FAR2: variants seen among roughly 807,000 people sequenced by gnomAD.
FAR2 encodes the protein fatty acyl-CoA reductase 2, also known as epididymis secretory protein Li 81.
Under a neutral mutation model 56.0 loss-of-function variants are expected in FAR2, and 19 were observed. The observed-to-expected ratio is 0.34, with a 90% CI of 0.24 to 0.50. The LOEUF (loss-of-function observed/expected upper bound fraction) is 0.50, where lower values mean the gene tolerates loss of function less well. FAR2 is among the 20% of genes least tolerant of loss of function. FAR2 has a pLI of 0.98. For synonymous variants in FAR2, 219 were observed against 218.8 expected, an observed-to-expected ratio of 1.00 and a Z score of -0.01; for missense variants, 508 against 642.2, an observed-to-expected ratio of 0.79 and a Z score of 2.26.
chr12:29,311,960 T>G lies in FAR2; in HGVS notation c.955+10T>G. On this transcript the variant is annotated intron_variant, in intron 8 of 11. Transcript: ENST00000536681. ...AATTGGCACAAAATGGGTAAGTACTTTAGCTATGTAACTCTATAATTACTA... is the reference window on the plus strand; with the variant it reads ...AATTGGCACAAAATGGGTAAGTACTGTAGCTATGTAACTCTATAATTACTA... The G allele has an allele frequency of 6.3e-7, 1 of 1,596,650 alleles. No homozygotes were observed. Among genetic ancestry groups the G allele is most frequent in the Non-Finnish European group, 8.6e-7 (1 of 1,166,076 alleles).
chr12:29,307,037 G>C (rs1949262611), intron 4 of FAR2, among the ~76,000 whole-genome samples: 2 of 152,088 alleles, frequency 1.3e-5, no homozygotes, highest in Admixed American at 6.6e-5. Context: ...AAAGCTAAAG[G>C]CTTCAGGATT....
chr12:29,331,993 C>G (rs1478694153), intron 10 of FAR2: 1 of 152,200 alleles, frequency 6.6e-6, no homozygotes, highest in African/African-American at 2.4e-5. Flanking sequence ...CACAACTTCT[C>G]TCCCTAAACA....
At chr12:29,287,350 T>G (rs1036367796) in intron 2 of FAR2, among the ~76,000 whole-genome samples, 3 of 152,242 alleles carry the variant, frequency 2.0e-5, no homozygotes, top group Admixed American at 6.5e-5. Context: ...CCTTTACATC[T>G]TATGAGAGTT....
At chr12:29,195,771 A>C (rs1950138769) in intron 1 of FAR2, among the ~76,000 whole-genome samples, 1 of 152,152 alleles carries the variant, frequency 6.6e-6, no homozygotes, top group Non-Finnish European at 1.5e-5. Flanking sequence ...GATATATTGC[A>C]TAGCAGTGAG....
intron 1 of FAR2, among the ~76,000 whole-genome samples, chr12:29,248,780 G>A (rs1274391805): frequency 2.0e-5 from 3 of 152,178 alleles, no homozygotes; most frequent in Non-Finnish European, 4.4e-5. Flanking sequence ...AGCGGGGCCA[G>A]TTTAGAGACC....
In FAR2 at chr12:29,297,278, A is replaced by G. The variant is rs1949087769; in HGVS notation, c.545+78A>G. ...TCTCTTTGATTCTTTGTAGCTATTA[A>G]TGAGATGATGAAGTCAAACACTTTT... On this transcript the variant is annotated intron_variant, in intron 4 of 11. Coordinates refer to ENST00000536681, the MANE Select transcript of FAR2 (RefSeq NM_001271783.2). 2.9e-6 allele frequency: 4 copies of G among 1,360,048 alleles called. No individual in the cohort carries two copies. The South Asian group carries it at 5.7e-5, about 19-fold the overall frequency. The allele number at this position is 1,360,048 out of a possible 1,614,324, so 84.2% of individuals were successfully genotyped here. A position where few individuals can be genotyped will look rare whatever the true frequency, so the allele number is the denominator to read the frequency against.
chr12:29,219,634 A>G (rs2136637714), intron 1 of FAR2, among the ~76,000 whole-genome samples: 1 of 152,304 alleles, frequency 6.6e-6, no homozygotes, highest in East Asian at 1.9e-4. Context: ...ACAAGAAAAA[A>G]AAAAGAGAAG....
Position 29,333,648 on chromosome 12 carries a change from T to C in FAR2, c.1402T>C (p.Tyr468His). ...GTTCCCTAGGCTCCGAAATATTCAC[T>C]ACCTCTTTAATACTGCCCTCTTCCT... ...QRLKRLRNIHYLFNTALFLIA... is the reference protein window; with the variant it reads ...QRLKRLRNIHHLFNTALFLIA... Residue 468 changes from tyrosine to histidine, a missense_variant, in exon 12 of 12, where the codon TAC (tyrosine) becomes CAC (histidine). Coordinates refer to ENST00000536681, the MANE Select transcript of FAR2 (RefSeq NM_001271783.2). The C allele has an allele frequency of 6.2e-7, 1 of 1,613,512 alleles. No individual in the cohort carries two copies. The highest frequency in any genetic ancestry group is 8.5e-7 in the Non-Finnish European group (1 of 1,179,592).
At chr12:29,297,865 A>C (rs753819934) in intron 4 of FAR2, among the ~76,000 whole-genome samples, 2 of 151,822 alleles carry the variant, frequency 1.3e-5, no homozygotes, top group Non-Finnish European at 2.9e-5. Flanking sequence ...AAAATACAAA[A>C]ATTAGCTGGA....
intron 1 of FAR2, among the ~76,000 whole-genome samples, chr12:29,192,604 C>T (rs1285256456): frequency 6.6e-6 from 1 of 152,112 alleles, no homozygotes; most frequent in Non-Finnish European, 1.5e-5. Flanking sequence ...GTTCTTTAAA[C>T]AGTATCTGTA....
intron 7 of FAR2, among the ~76,000 whole-genome samples, chr12:29,311,422 A>G (rs11050179): frequency 0.016 from 2,448 of 152,222 alleles, 66 homozygotes; most frequent in African/African-American, 0.05. Flanking sequence ...TCTATTCAGT[A>G]GTCTAAAATT....
chr12:29,153,479 G>A (rs557350787), intron 1 of FAR2, among the ~76,000 whole-genome samples: 1 of 152,348 alleles, frequency 6.6e-6, no homozygotes, highest in East Asian at 1.9e-4. Flanking sequence ...GGGCGCTGCT[G>A]AGAGGCAGGA....
At chr12:29,310,986 T>G (rs1949339608) in intron 6 of FAR2, 42 bp from the exon 7 acceptor site, 1 of 1,460,394 alleles carries the variant, frequency 6.8e-7, no homozygotes, top group Non-Finnish European at 9.6e-7. Context: ...CAGCTATTAT[T>G]TAAGACCTGG....
chr12:29,334,760 T>C lies in FAR2; in HGVS notation c.*966T>C, dbSNP rs564382074. Reference sequence around the variant, plus strand: ...GGTATAAAGTGGGGAAGATTACACTTATGTGATCACCAAAGGATTTACTAG... The same window carrying C: ...GGTATAAAGTGGGGAAGATTACACTCATGTGATCACCAAAGGATTTACTAG... On this transcript the variant is annotated 3_prime_UTR_variant, in exon 12 of 12. Coordinates refer to ENST00000536681, the MANE Select transcript of FAR2 (RefSeq NM_001271783.2). 2 of 152,294 alleles carry C rather than the reference T, an allele frequency of 1.3e-5. No homozygotes were observed. The highest frequency in any genetic ancestry group is 2.9e-5 in the Non-Finnish European group (2 of 68,008). 9.4% of individuals were successfully genotyped at this position (152,294 alleles called of 1,614,324 possible). A position where few individuals can be genotyped will look rare whatever the true frequency, so the allele number is the denominator to read the frequency against.
At position 29,270,680 on chromosome 12, in the gene FAR2, G is replaced by A; in HGVS notation, c.189+42G>A. The A allele has an allele frequency of 2.6e-6, 4 of 1,511,690 alleles. No homozygotes were observed. In the South Asian group the frequency reaches 3.9e-5, roughly 15 times the overall value. The allele number at this position is 1,511,690 out of a possible 1,614,324, so 93.6% of individuals were successfully genotyped here. A position where few individuals can be genotyped will look rare whatever the true frequency, so the allele number is the denominator to read the frequency against. ...AGCGTGTGTGATGGGCAATGCCTTAGGGCAAGATGATTCACTACAATGTTC... is the reference window on the plus strand; with the variant it reads ...AGCGTGTGTGATGGGCAATGCCTTAAGGCAAGATGATTCACTACAATGTTC... On this transcript the variant is annotated intron_variant, in intron 2 of 11. Coordinates refer to ENST00000536681, the MANE Select transcript of FAR2 (RefSeq NM_001271783.2).
chr12:29,194,451 T>C (rs1305754837), intron 1 of FAR2, among the ~76,000 whole-genome samples: 3 of 151,722 alleles, frequency 2.0e-5, no homozygotes, highest in Non-Finnish European at 2.9e-5. Flanking sequence ...TGACTGGGTA[T>C]TGTGGCTAGT....
chr12:29,311,290 T>A (rs1949347406), intron 7 of FAR2, 144 bp downstream of exon 7: 1 of 616,254 alleles, frequency 1.6e-6, no homozygotes, highest in Non-Finnish European at 2.9e-6. Context: ...GAGTTCCTAA[T>A]ATGCCATCAT....
At chr12:29,294,004 G>A (rs1949016111) in intron 3 of FAR2, among the ~76,000 whole-genome samples, 1 of 152,116 alleles carries the variant, frequency 6.6e-6, no homozygotes, top group Non-Finnish European at 1.5e-5. Context: ...CATATCAGAT[G>A]TTACCCAGGT....
intron 1 of FAR2, among the ~76,000 whole-genome samples, chr12:29,199,861 G>A (rs976361200): frequency 2.0e-5 from 3 of 152,162 alleles, no homozygotes; most frequent in African/African-American, 7.2e-5. Flanking sequence ...GTGACCAGGA[G>A]TAAGATGGTG....
Sources: gnomAD v4.1 joint callset for allele counts (sites outside exome capture counted in the v4.1 genomes callset) on GRCh38, gnomAD v4.1.1 for gene constraint, MANE v1.5 for transcripts, NCBI Gene and HGNC (gene_info 2026-07-23, HGNC 2026-07-21) for gene names.